The following DUS2 variants were observed in gnomAD, a reference collection of about 807,000 sequenced individuals.
DUS2 encodes the protein dihydrouridine synthase 2.
Under a neutral mutation model 71.3 loss-of-function variants are expected in DUS2, and 52 were observed. The ratio of observed to expected loss-of-function variants is 0.73; its 90% confidence interval spans 0.58 to 0.92. DUS2 has a LOEUF of 0.92. Ranked by LOEUF, DUS2 falls within the 40% of genes least tolerant of loss-of-function variation. The pLI is 0.00. For synonymous variants in DUS2, 204 were observed against 227.8 expected, an observed-to-expected ratio of 0.90 and a Z score of 0.94; for missense variants, 558 against 622.6, an observed-to-expected ratio of 0.90 and a Z score of 1.10.
intron 3 of DUS2, among the ~76,000 whole-genome samples, chr16:68,043,710 G>GC (rs1734772200): frequency 1.3e-5 from 2 of 151,854 alleles, no homozygotes; most frequent in South Asian, 4.2e-4. Flanking sequence ...TGTTGCCCAC[G>GC]CAGGAGTGCA....
intron 14 of DUS2, 79 bp from the exon 15 acceptor site, chr16:68,076,553 C>A: frequency 9.2e-7 from 1 of 1,084,498 alleles, no homozygotes. Context: ...CAGCTCCTTT[C>A]AGGAGCTGAG....
In DUS2 at chr16:68,049,417, G is replaced by A. The variant is rs1287954547; in HGVS notation, c.127-88G>A. 1.3e-5 allele frequency: 18 copies of A among 1,417,300 alleles called. No individual in the cohort carries two copies. In the Admixed American group the frequency reaches 2.7e-4, roughly 21 times the overall value. 87.8% of individuals were successfully genotyped at this position (1,417,300 alleles called of 1,614,324 possible). On this transcript the variant is annotated intron_variant, in intron 3 of 16. Coordinates refer to ENST00000565263, the MANE Select transcript of DUS2 (RefSeq NM_017803.5). Reference sequence around the variant, plus strand: ...TCTTGGTAGTAGGGCGACTGGCCAAGCGATCCTCATTAGGTGTGTGATGAA... The same window carrying A: ...TCTTGGTAGTAGGGCGACTGGCCAAACGATCCTCATTAGGTGTGTGATGAA...
At chr16:68,045,072 C>T (rs915702484) in intron 3 of DUS2, among the ~76,000 whole-genome samples, 3 of 152,154 alleles carry the variant, frequency 2.0e-5, no homozygotes, top group African/African-American at 4.8e-5. Context: ...GAATTACAGG[C>T]GTGAGCCACT....
chr16:68,063,795 C>T lies in DUS2; in HGVS notation c.418-2522C>T, dbSNP rs1342527816. 3.3e-5 allele frequency among the ~76,000 whole-genome samples: 5 copies of T among 152,122 alleles called. No homozygotes were observed. The East Asian group carries it at 9.6e-4, about 29-fold the overall frequency. On this transcript the variant is annotated intron_variant, in intron 8 of 16. Coordinates refer to ENST00000565263, the MANE Select transcript of DUS2 (RefSeq NM_017803.5). ...CTGGAGTGCAGTGGTGCGATCTCAG[C>T]TCACTGCAACATCCACCTCCTGGGT...
intron 6 of DUS2, 114 bp from the exon 7 acceptor site, chr16:68,056,250 T>C (rs939218041): frequency 1.3e-5 from 11 of 842,522 alleles, no homozygotes; most frequent in Admixed American, 5.0e-5. Flanking sequence ...GTGTGTTTCA[T>C]AGAGTCAGGG....
At chr16:68,071,699 A>G (rs777598730) in intron 12 of DUS2, among the ~76,000 whole-genome samples, 8 of 147,336 alleles carry the variant, frequency 5.4e-5, no homozygotes, top group Non-Finnish European at 1.2e-4. Context: ...GCATAGTGGC[A>G]TAATCATGAC....
At chr16:68,074,359 G>A (rs771604961) in intron 13 of DUS2, among the ~76,000 whole-genome samples, 1 of 152,202 alleles carries the variant, frequency 6.6e-6, no homozygotes, top group Non-Finnish European at 1.5e-5. Flanking sequence ...GATCAGCAGA[G>A]CTCTGGGAAC....
chr16:68,074,000 G>C (rs1298281041), intron 12 of DUS2, 34 bp from the exon 13 acceptor site: 1 of 1,612,868 alleles, frequency 6.2e-7, no homozygotes, highest in Non-Finnish European at 8.5e-7. Flanking sequence ...CTTAGAGCCT[G>C]CCTGGGCATC....
At chr16:68,030,963 C>T (rs1248906151) in intron 2 of DUS2, among the ~76,000 whole-genome samples, 1 of 152,010 alleles carries the variant, frequency 6.6e-6, no homozygotes, top group East Asian at 1.9e-4. Context: ...AGGCTGGTCC[C>T]AAACTCCTGG....
intron 2 of DUS2, among the ~76,000 whole-genome samples, chr16:68,029,226 CCT>C: frequency 6.6e-6 from 1 of 152,072 alleles, no homozygotes; most frequent in Non-Finnish European, 1.5e-5. Flanking sequence ...AGCTATATCA[CCT>C]CTTTCTCCTC....
At chr16:68,037,522 A>G (rs2033549565) in intron 2 of DUS2, among the ~76,000 whole-genome samples, 1 of 151,548 alleles carries the variant, frequency 6.6e-6, no homozygotes. Flanking sequence ...GGTTCAAACA[A>G]TTCTCCTGCC....
intron 3 of DUS2, among the ~76,000 whole-genome samples, chr16:68,043,873 C>T (rs1283886135): frequency 3.3e-5 from 5 of 152,170 alleles, no homozygotes; most frequent in Non-Finnish European, 5.9e-5. Flanking sequence ...GCATGTTGGC[C>T]GGGCTTGTAT....
chr16:68,025,117 G>A (rs973249085), intron 1 of DUS2, among the ~76,000 whole-genome samples: 9 of 152,042 alleles, frequency 5.9e-5, no homozygotes, highest in Non-Finnish European at 1.3e-4. Flanking sequence ...GGTGTGAGCC[G>A]CTGTGCCCGG....
chr16:68,036,731 C>T (rs913121755), intron 2 of DUS2, among the ~76,000 whole-genome samples: 2 of 152,230 alleles, frequency 1.3e-5, no homozygotes, highest in African/African-American at 4.8e-5. Flanking sequence ...TGAGCCACTG[C>T]GCCTGACCAC....
intron 1 of DUS2, among the ~76,000 whole-genome samples, chr16:68,025,191 C>A (rs2033329088): frequency 6.6e-6 from 1 of 151,994 alleles, no homozygotes; most frequent in Non-Finnish European, 1.5e-5. Flanking sequence ...CCAAATAGTT[C>A]CTTGGGGCCA....
At chr16:68,037,877 AAAC>A in intron 2 of DUS2, 126 bp from the exon 3 acceptor site, 1 of 987,168 alleles carries the variant, frequency 1.0e-6, no homozygotes, top group Non-Finnish European at 1.5e-6. Context: ...AATCAAACAT[AAAC>A]AACCAACCAA....
chr16:68,046,262 A>G (rs550732583), intron 3 of DUS2, among the ~76,000 whole-genome samples: 2 of 152,094 alleles, frequency 1.3e-5, no homozygotes, highest in Non-Finnish European at 2.9e-5. Context: ...TGTGTACCCA[A>G]TGCTTAGCTC....
At position 68,066,377 on chromosome 16, in the gene DUS2, C is replaced by T. The variant is rs1219768394; in HGVS notation, c.478C>T (p.Pro160Ser). 1 of 1,613,248 alleles carries T rather than the reference C, an allele frequency of 6.2e-7. No homozygotes were observed. The highest frequency in any genetic ancestry group is 1.3e-5 in the African/African-American group (1 of 74,894). ...RPVTCKIRILPSLEDTLSLVK... is the reference protein window; with the variant it reads ...RPVTCKIRILSSLEDTLSLVK... ...TGTGACCTGCAAGATTCGCATCCTG[C>T]CATCGGTAAGGATGGTGTGTTACAT... The change falls in exon 9 of 17, where the codon CCA becomes TCA. Residue 160 changes from proline (P) to serine (S), a missense_variant. Physicochemically the swap from Pro to Ser is moderately conservative, Grantham distance 74. Transcript: ENST00000565263.
intron 5 of DUS2, 133 bp from the exon 6 acceptor site, chr16:68,054,441 A>T: frequency 1.0e-6 from 1 of 989,978 alleles, no homozygotes; most frequent in Non-Finnish European, 1.6e-6. Context: ...CTGGCTGTTT[A>T]AGAGAAAGCC....
Sources: gnomAD v4.1 joint callset for allele counts (sites outside exome capture counted in the v4.1 genomes callset) on GRCh38, gnomAD v4.1.1 for gene constraint, MANE v1.5 for transcripts, NCBI Gene and HGNC (gene_info 2026-07-23, HGNC 2026-07-21) for gene names.